Variants in KAT2B observed in about 807,000 individuals in gnomAD.
The protein encoded by KAT2B is lysine acetyltransferase 2B.
A neutral mutation model predicts 105.9 loss-of-function variants in KAT2B; 36 were observed. The observed-to-expected ratio is 0.34, with a 90% confidence interval of 0.26 to 0.45. The LOEUF is 0.45. KAT2B is among the 20% of genes least tolerant of loss of function. The pLI is 1.00. For synonymous variants in KAT2B, 397 were observed against 377.9 expected, an observed-to-expected ratio of 1.05 and a Z score of -0.59; for missense variants, 820 against 1,021.6, an observed-to-expected ratio of 0.80 and a Z score of 2.69.
chr3:20,101,205 A>C lies in KAT2B; in HGVS notation c.670-82A>C, dbSNP rs1258527159. On this transcript the variant is annotated intron_variant, in intron 4 of 17. Coordinates refer to ENST00000263754, the MANE Select transcript of KAT2B (RefSeq NM_003884.5). Reference sequence around the variant, plus strand: ...AATGTCTGTTATTTTGCTAATAACCACCAATCATGCTGGCTGTGTGGGTGT... The same window carrying C: ...AATGTCTGTTATTTTGCTAATAACCCCCAATCATGCTGGCTGTGTGGGTGT... The C allele has an allele frequency of 1.1e-5, 12 of 1,125,532 alleles. No homozygotes were observed. The African/African-American group carries it at 1.7e-4, about 16-fold the overall frequency. The allele number at this position is 1,125,532 out of a possible 1,614,324, so 69.7% of individuals were successfully genotyped here. A position where few individuals can be genotyped will look rare whatever the true frequency, so the allele number is the denominator to read the frequency against.
intron 1 of KAT2B, among the ~76,000 whole-genome samples, chr3:20,048,705 T>TA (rs1423289938): frequency 2.0e-5 from 3 of 152,170 alleles, no homozygotes; most frequent in African/African-American, 7.2e-5. Context: ...AAGTGGCTAT[T>TA]TAGGAAAAAT....
At chr3:20,096,939 A>T (rs983463726) in intron 3 of KAT2B, among the ~76,000 whole-genome samples, 20 of 130,160 alleles carry the variant, frequency 1.5e-4, no homozygotes, top group Non-Finnish European at 2.6e-4. Flanking sequence ...CTTTAAAAAG[A>T]ATAATAGGAA....
intron 17 of KAT2B, among the ~76,000 whole-genome samples, chr3:20,151,242 C>CT (rs926097860): frequency 5.3e-5 from 8 of 152,146 alleles, no homozygotes; most frequent in Admixed American, 5.2e-4. Context: ...GCAGAAGCAG[C>CT]TTTTTTCCAT....
At chr3:20,082,798 G>A (rs1435792814) in intron 2 of KAT2B, among the ~76,000 whole-genome samples, 1 of 152,052 alleles carries the variant, frequency 6.6e-6, no homozygotes, top group African/African-American at 2.4e-5. Flanking sequence ...CACCAAATAC[G>A]TAAGCATTTG....
intron 1 of KAT2B, among the ~76,000 whole-genome samples, chr3:20,046,150 G>T (rs533477646): frequency 2.6e-5 from 4 of 152,202 alleles, no homozygotes; most frequent in Non-Finnish European, 5.9e-5. Context: ...CTAAATAAAC[G>T]GAATTGCCTG....
intron 2 of KAT2B, among the ~76,000 whole-genome samples, chr3:20,083,601 G>T (rs978403026): frequency 2.0e-5 from 3 of 152,200 alleles, no homozygotes; most frequent in Non-Finnish European, 4.4e-5. Context: ...TAGAGATGGG[G>T]TTGTTTAAGG....
chr3:20,045,044 T>C (rs1420404993), intron 1 of KAT2B, among the ~76,000 whole-genome samples: 1 of 152,122 alleles, frequency 6.6e-6, no homozygotes, highest in Non-Finnish European at 1.5e-5. Flanking sequence ...AGACAGGGTC[T>C]CGCTCTGTCA....
intron 2 of KAT2B, among the ~76,000 whole-genome samples, chr3:20,083,237 TTTTA>T (rs1361955775): frequency 6.6e-6 from 1 of 152,154 alleles, no homozygotes; most frequent in Non-Finnish European, 1.5e-5. Context: ...GTTTATAGAT[TTTTA>T]TTTTATTTTT....
At chr3:20,144,276 CTTTTTTTTTTTTTTTTT>C (rs761735374) in intron 13 of KAT2B, among the ~76,000 whole-genome samples, 2 of 89,408 alleles carry the variant, frequency 2.2e-5, no homozygotes, top group African/African-American at 4.5e-5. Flanking sequence ...CCTTGGGATT[CTTTTTTTTTTTTTTTTT>C]TTTTTTTTTT....
At chr3:20,105,033 G>C (rs904967357) in intron 5 of KAT2B, among the ~76,000 whole-genome samples, 2 of 151,848 alleles carry the variant, frequency 1.3e-5, no homozygotes, top group Non-Finnish European at 2.9e-5. Flanking sequence ...TTACAAGTGC[G>C]TGCCACCATG....
Position 20,114,620 on chromosome 3 carries a change from C to T in KAT2B, c.1044-262C>T, listed in dbSNP as rs148381416. Among the ~76,000 whole-genome samples, 854 of 152,280 alleles carry T rather than the reference C, an allele frequency of 5.6e-3. 6 individuals carry two copies. Among genetic ancestry groups the T allele is most frequent in the Middle Eastern group, 0.024 (7 of 294 alleles). Reference sequence around the variant, plus strand: ...TTCACTGAGGAAGATTAATGCATTTCTACTGATGTAATTCATATGTCTGTA... The same window carrying T: ...TTCACTGAGGAAGATTAATGCATTTTTACTGATGTAATTCATATGTCTGTA... On this transcript the variant is annotated intron_variant, in intron 6 of 17. Transcript: ENST00000263754.
intron 1 of KAT2B, among the ~76,000 whole-genome samples, chr3:20,064,908 C>T (rs1698197796): frequency 6.6e-6 from 1 of 152,178 alleles, no homozygotes; most frequent in African/African-American, 2.4e-5. Flanking sequence ...AGACAGCTGG[C>T]TGTCTTTCTC....
At chr3:20,079,202 CTTT>C (rs61697250) in intron 2 of KAT2B, among the ~76,000 whole-genome samples, 203 of 102,174 alleles carry the variant, frequency 2.0e-3, no homozygotes, top group African/African-American at 6.1e-3. Context: ...CACCTGGCCT[CTTT>C]TTTTTTTTTT....
At chr3:20,120,397 T>G (rs1341173459) in intron 8 of KAT2B, among the ~76,000 whole-genome samples, 1 of 151,964 alleles carries the variant, frequency 6.6e-6, no homozygotes, top group African/African-American at 2.4e-5. Flanking sequence ...CCTGCTAATT[T>G]TTGTATTTTT....
At chr3:20,073,600 T>G (rs1698365073) in intron 2 of KAT2B, among the ~76,000 whole-genome samples, 1 of 152,220 alleles carries the variant, frequency 6.6e-6, no homozygotes, top group Non-Finnish European at 1.5e-5. Flanking sequence ...ATTTCATCAT[T>G]TTGTTGACTT....
At chr3:20,137,185 T>C in intron 12 of KAT2B, 133 bp downstream of exon 12, 2 of 598,892 alleles carry the variant, frequency 3.3e-6, no homozygotes, top group South Asian at 2.1e-5. Flanking sequence ...ACAAGCCTTA[T>C]GTCAAAAATA....
chr3:20,133,682 G>A (rs1174240022), intron 11 of KAT2B, among the ~76,000 whole-genome samples: 3 of 151,980 alleles, frequency 2.0e-5, no homozygotes, highest in South Asian at 4.2e-4. Flanking sequence ...GAATATGGCC[G>A]GTCTAAATTT....
At chr3:20,102,535 C>A (rs1309872643) in intron 5 of KAT2B, among the ~76,000 whole-genome samples, 1 of 152,196 alleles carries the variant, frequency 6.6e-6, no homozygotes, top group Non-Finnish European at 1.5e-5. Flanking sequence ...CCACAATTTA[C>A]CTAACCATTT....
Position 20,070,957 on chromosome 3 carries a change from C to T in KAT2B, c.304-1376C>T, listed in dbSNP as rs182833061. Among the ~76,000 whole-genome samples the T allele has an allele frequency of 1.9e-3, 285 of 147,540 alleles. 6 individuals carry two copies. Among genetic ancestry groups the T allele is most frequent in the Admixed American group, 0.017 (253 of 14,704 alleles). On this transcript the variant is annotated intron_variant, in intron 1 of 17. Transcript: ENST00000263754. The stretch of plus-strand genomic sequence containing the variant: ...CTGAGAGGTGGAGGATGCAGTGAGA[C>T]AAGATCTTGCCACTGCACTCCAGCC...
Sources: allele counts gnomAD v4.1 joint callset (sites outside exome capture counted in the v4.1 genomes callset), GRCh38; gene constraint gnomAD v4.1.1; transcripts MANE v1.5; gene names NCBI Gene and HGNC (gene_info 2026-07-23, HGNC 2026-07-21).